NXPH1: variants seen among roughly 807,000 people sequenced by gnomAD.
NXPH1 encodes the protein neurexophilin 1.
Under a neutral mutation model 23.7 loss-of-function variants are expected in NXPH1, and 5 were observed. The ratio of observed to expected loss-of-function variants is 0.21; its 90% CI spans 0.11 to 0.44. NXPH1 has a LOEUF of 0.44. Ranked by LOEUF, NXPH1 falls within the 20% of genes least tolerant of loss-of-function variation. The pLI is 0.99. For missense variants in NXPH1, 324 were observed against 321.6 expected (o/e 1.01, Z -0.06); for synonymous variants, 144 against 122.2 (o/e 1.18, Z -1.18).
chr7:8,680,849 T>G (rs902415409), intron 2 of NXPH1, among the ~76,000 whole-genome samples: 30 of 152,348 alleles, frequency 2.0e-4, no homozygotes, highest in African/African-American at 7.2e-4. Context: ...AAACAGCTCC[T>G]GCATAAGCCA....
At chr7:8,465,855 A>G (rs907645644) in intron 2 of NXPH1, among the ~76,000 whole-genome samples, 6 of 152,224 alleles carry the variant, frequency 3.9e-5, no homozygotes, top group Non-Finnish European at 7.3e-5. Context: ...TGGTGTTGGC[A>G]TGCTACTAAC....
intron 2 of NXPH1, among the ~76,000 whole-genome samples, chr7:8,524,481 T>G (rs932559267): frequency 2.6e-5 from 4 of 152,152 alleles, no homozygotes; most frequent in African/African-American, 9.7e-5. Context: ...TTACACTGAC[T>G]GACAATTACC....
rs1170779939 is a variant in NXPH1, at chr7:8,651,243, T to C, written c.55-99765T>C. 7.8e-5 allele frequency among the ~76,000 whole-genome samples: 10 copies of C among 127,532 alleles called. No individual in the cohort carries two copies. In the East Asian group the frequency reaches 2.4e-3, roughly 30 times the overall value. 83.7% of individuals were successfully genotyped at this position (127,532 alleles called of 152,430 possible). On this transcript the variant is annotated intron_variant, in intron 2 of 2. Transcript: ENST00000405863. Reference sequence around the variant, plus strand: ...GGTGTTTGGTTTTTTGTTCTTGCGATAGTTTACTGAGAATGATGATTTCCA... The same window carrying C: ...GGTGTTTGGTTTTTTGTTCTTGCGACAGTTTACTGAGAATGATGATTTCCA...
chr7:8,538,224 A>G (rs1030847444), intron 2 of NXPH1, among the ~76,000 whole-genome samples: 2 of 151,884 alleles, frequency 1.3e-5, no homozygotes, highest in African/African-American at 4.8e-5. Context: ...CTTGCCCCCA[A>G]ATATCTGGCT....
At chr7:8,514,590 T>A (rs1817660869) in intron 2 of NXPH1, among the ~76,000 whole-genome samples, 1 of 152,144 alleles carries the variant, frequency 6.6e-6, no homozygotes, top group Non-Finnish European at 1.5e-5. Flanking sequence ...GTGTGTGTCA[T>A]GATTGTGGAC....
intron 2 of NXPH1, among the ~76,000 whole-genome samples, chr7:8,668,083 T>C (rs985345414): frequency 7.2e-6 from 1 of 138,278 alleles, no homozygotes; most frequent in Non-Finnish European, 1.6e-5. Context: ...AATTTGGTTG[T>C]TTATTATAGT....
rs1816158106 is a variant in NXPH1 at position 8,434,727 on chromosome 7, C to G, written c.-139C>G. ...TGGAGCCTGCCCAGAGCGGTCCCTT[C>G]TCGCAGGATTCGCCCCAAGTCCTGT... is the stretch of plus-strand genomic sequence containing the variant. On this transcript the variant is annotated 5_prime_UTR_variant, in exon 1 of 3. Coordinates refer to ENST00000405863, the MANE Select transcript of NXPH1 (RefSeq NM_152745.3). This position sits in a 1 kb window ranked among gnomAD's most constrained non-coding sequence, Gnocchi z 7.6. 1 of 152,744 alleles carries G rather than the reference C, an allele frequency of 6.5e-6. No individual in the cohort carries two copies. The highest frequency in any genetic ancestry group is 2.4e-5 in the African/African-American group (1 of 41,436). 9.5% of individuals were successfully genotyped at this position (152,744 alleles called of 1,614,324 possible).
At chr7:8,528,142 A>T (rs1254642807) in intron 2 of NXPH1, among the ~76,000 whole-genome samples, 1 of 152,244 alleles carries the variant, frequency 6.6e-6, no homozygotes, top group Non-Finnish European at 1.5e-5. Context: ...AAGTGGTTTC[A>T]TTTACAGAAA....
chr7:8,467,075 A>G (rs1584174259), intron 2 of NXPH1, among the ~76,000 whole-genome samples: 1 of 152,172 alleles, frequency 6.6e-6, no homozygotes, highest in East Asian at 1.9e-4. Context: ...GCACACTGAC[A>G]CTCAGTGTTC....
intron 2 of NXPH1, among the ~76,000 whole-genome samples, chr7:8,537,573 C>A (rs1216463672): frequency 6.6e-6 from 1 of 151,944 alleles, no homozygotes; most frequent in Non-Finnish European, 1.5e-5. Context: ...TCAGTTACCT[C>A]CCACCAGGTC....
At chr7:8,558,450 T>C (rs983653977) in intron 2 of NXPH1, among the ~76,000 whole-genome samples, 4 of 151,618 alleles carry the variant, frequency 2.6e-5, no homozygotes, top group African/African-American at 9.7e-5. Context: ...AATCGGCTTT[T>C]AATTTTATCT....
chr7:8,540,868 A>T (rs1584221019), intron 2 of NXPH1, among the ~76,000 whole-genome samples: 1 of 151,758 alleles, frequency 6.6e-6, no homozygotes, highest in Non-Finnish European at 1.5e-5. Context: ...TAACTAACCC[A>T]TGACTGAGCA....
intron 2 of NXPH1, among the ~76,000 whole-genome samples, chr7:8,669,975 A>T (rs961846757): frequency 1.3e-5 from 2 of 152,228 alleles, no homozygotes; most frequent in Admixed American, 1.3e-4. Flanking sequence ...CTATTCTGCC[A>T]TATTGCTGAC....
intron 2 of NXPH1, among the ~76,000 whole-genome samples, chr7:8,659,444 C>G (rs1362493370): frequency 6.6e-6 from 1 of 152,036 alleles, no homozygotes; most frequent in Non-Finnish European, 1.5e-5. Context: ...TCTCTCAACT[C>G]GTCTGGAAAC....
intron 2 of NXPH1, among the ~76,000 whole-genome samples, chr7:8,566,334 A>G (rs1197342534): frequency 6.6e-6 from 1 of 151,874 alleles, no homozygotes; most frequent in African/African-American, 2.4e-5. Context: ...TTGCATGGAC[A>G]GAGACTATGA....
At chr7:8,700,246 A>G (rs1039205626) in intron 2 of NXPH1, among the ~76,000 whole-genome samples, 4 of 152,146 alleles carry the variant, frequency 2.6e-5, no homozygotes, top group Non-Finnish European at 5.9e-5. Flanking sequence ...AGTGTTACAT[A>G]TTGCCTAAGA....
chr7:8,509,583 T>G (rs190500671), intron 2 of NXPH1, among the ~76,000 whole-genome samples: 349 of 152,198 alleles, frequency 2.3e-3, no homozygotes, highest in Admixed American at 4.5e-3. Flanking sequence ...TTCCCCCTTC[T>G]TTTTCTGAGT....
At chr7:8,492,371 A>G (rs1375696577) in intron 2 of NXPH1, among the ~76,000 whole-genome samples, 1 of 152,050 alleles carries the variant, frequency 6.6e-6, no homozygotes, top group Non-Finnish European at 1.5e-5. Context: ...TTAGCCATGT[A>G]AGAGCTGTGT....
Position 8,434,535 on chromosome 7 carries a change from G to A in NXPH1, c.-331G>A, listed in dbSNP as rs1372469026. The A allele has an allele frequency of 1.3e-5, 2 of 152,808 alleles. No homozygotes were observed. The highest frequency in any genetic ancestry group is 2.4e-5 in the African/African-American group (1 of 41,438). The allele number at this position is 152,808 out of a possible 1,614,324, so 9.5% of individuals were successfully genotyped here. A position where few individuals can be genotyped will look rare whatever the true frequency, so the allele number is the denominator to read the frequency against. On this transcript the variant is annotated 5_prime_UTR_variant, in exon 1 of 3. Transcript: ENST00000405863. The surrounding 1 kb of genome is among the most constrained non-coding windows in gnomAD (Gnocchi z 7.6). ...TGCACCGTGAATCCAACTGTGCCAA[G>A]CCTTGGCTCCCGCGAACCAATCCTG...
Sources: gnomAD v4.1 joint callset for allele counts (sites outside exome capture counted in the v4.1 genomes callset) on GRCh38, gnomAD v4.1.1 for gene constraint, Gnocchi (gnomAD v3.1) non-coding constraint, MANE v1.5 for transcripts, NCBI Gene and HGNC (gene_info 2026-07-23, HGNC 2026-07-21) for gene names.